HLCS: variants seen among roughly 807,000 people sequenced by gnomAD.
HLCS encodes the protein holocarboxylase synthetase, also known as biotin--protein ligase.
HLCS carries 53 observed loss-of-function variants against 75.0 expected under a neutral mutation model. The ratio of observed to expected loss-of-function variants is 0.71; its 90% CI spans 0.57 to 0.89. The LOEUF (loss-of-function observed/expected upper bound fraction) is 0.89, where lower values mean the gene tolerates loss of function less well. Ranked by LOEUF, HLCS falls within the 40% of genes least tolerant of loss-of-function variation. The pLI, the probability that HLCS is intolerant of heterozygous loss-of-function variation, is 0.00. For missense variants in HLCS, 966 were observed against 1,074.0 expected (o/e 0.90, Z 1.41); for synonymous variants, 431 against 428.6 (o/e 1.01, Z -0.07).
chr21:36,981,895 A>G (rs1200638097), intron 1 of HLCS, among the ~76,000 whole-genome samples: 1 of 152,206 alleles, frequency 6.6e-6, no homozygotes, highest in East Asian at 1.9e-4. Flanking sequence ...GATGTTAATT[A>G]GAATACTCTC....
intron 2 of HLCS, chr21:36,947,326 T>A: frequency 1.0e-6 from 1 of 985,058 alleles, no homozygotes; most frequent in Non-Finnish European, 1.2e-6. Flanking sequence ...GCCAACTGTT[T>A]CCTCACCTAA....
intron 2 of HLCS, among the ~76,000 whole-genome samples, chr21:36,954,176 C>T (rs1248046360): frequency 1.3e-5 from 2 of 151,902 alleles, no homozygotes; most frequent in African/African-American, 2.4e-5. Context: ...CATGGTGGCT[C>T]GCGCCTGTAT....
intron 1 of HLCS, 55 bp downstream of exon 1, chr21:36,966,389 C>G: frequency 1.5e-6 from 1 of 676,626 alleles, no homozygotes; most frequent in Non-Finnish European, 1.8e-6. Context: ...GGCGCAGGGA[C>G]GGGGGCACTT....
rs575631804 is a variant in HLCS, at chr21:36,801,140, T to C, written c.1893-33855A>G. On this transcript the variant is annotated intron_variant, in intron 6 of 10. Transcript: ENST00000674895. ...ATAAATATGCAGCTGAACATATTTA[T>C]GTAGGAAAATTAAAGACCAGACTGG... 1.2e-3 allele frequency among the ~76,000 whole-genome samples: 185 copies of C among 152,306 alleles called. 2 individuals are homozygous for C. The highest frequency in any genetic ancestry group is 4.1e-3 in the African/African-American group (170 of 41,550).
intron 5 of HLCS, among the ~76,000 whole-genome samples, chr21:36,902,193 G>C (rs562360730): frequency 4.6e-5 from 7 of 152,296 alleles, no homozygotes; most frequent in African/African-American, 1.2e-4. Flanking sequence ...CTCTGGCAAA[G>C]GGTCTCCTTT....
chr21:36,855,536 TA>T lies in HLCS; in HGVS notation c.1892+41323del, dbSNP rs71901243. On this transcript the variant is annotated intron_variant, in intron 6 of 10. Transcript: ENST00000674895. Reference sequence around the variant, plus strand: ...CTGGGCAACAGAGCAAGACTCCATCTAAAAAAAAAAAAAAAAAAAAAAAAAA... The same window carrying T: ...CTGGGCAACAGAGCAAGACTCCATCTAAAAAAAAAAAAAAAAAAAAAAAAA... Among the ~76,000 whole-genome samples the T allele has an allele frequency of 5.8e-3, 441 of 75,580 alleles. 3 individuals carry two copies. Among genetic ancestry groups the T allele is most frequent in the East Asian group, 0.03 (65 of 2,172 alleles). The allele number at this position is 75,580 out of a possible 152,430, so 49.6% of individuals were successfully genotyped here. A position where few individuals can be genotyped will look rare whatever the true frequency, so the allele number is the denominator to read the frequency against.
intron 6 of HLCS, among the ~76,000 whole-genome samples, chr21:36,843,727 G>A (rs745969075): frequency 6.6e-6 from 1 of 152,116 alleles, no homozygotes; most frequent in Non-Finnish European, 1.5e-5. Flanking sequence ...ACTAGGCTGA[G>A]TGCAGTGGCT....
chr21:36,826,248 G>T (rs1481443766), intron 6 of HLCS, among the ~76,000 whole-genome samples: 1 of 152,188 alleles, frequency 6.6e-6, no homozygotes, highest in African/African-American at 2.4e-5. Context: ...CCCTTCCTCA[G>T]CAGTGGCCCA....
chr21:36,889,741 A>C (rs2064694585), intron 6 of HLCS, among the ~76,000 whole-genome samples: 1 of 152,218 alleles, frequency 6.6e-6, no homozygotes, highest in Non-Finnish European at 1.5e-5. Flanking sequence ...ACAGACACAG[A>C]CACAGACTGG....
intron 6 of HLCS, among the ~76,000 whole-genome samples, chr21:36,808,249 T>A (rs757333250): frequency 5.9e-5 from 9 of 152,214 alleles, no homozygotes; most frequent in Non-Finnish European, 1.3e-4. Flanking sequence ...CATTTTCCCA[T>A]GCTCATGTTC....
rs1569207405 is a variant in HLCS, at chr21:36,930,481, A to G, written c.1438-48T>C. On this transcript the variant is annotated intron_variant, in intron 4 of 10. Transcript: ENST00000674895. ...TGTAAACTGAGGGCACTCACAGGCA[A>G]TGAGAAAAACAGTTTCTTTTTTCTT... 2.8e-6 allele frequency: 4 copies of G among 1,436,788 alleles called. No individual in the cohort carries two copies. The East Asian group carries it at 6.8e-5, about 24-fold the overall frequency. 89.0% of individuals were successfully genotyped at this position (1,436,788 alleles called of 1,614,324 possible). A position where few individuals can be genotyped will look rare whatever the true frequency, so the allele number is the denominator to read the frequency against.
intron 6 of HLCS, among the ~76,000 whole-genome samples, chr21:36,823,406 A>G (rs1028391742): frequency 6.6e-6 from 1 of 152,202 alleles, no homozygotes; most frequent in Non-Finnish European, 1.5e-5. Context: ...TCAGTTCAAT[A>G]ATACAAATAA....
chr21:36,946,503 A>G (rs534375793), intron 2 of HLCS, among the ~76,000 whole-genome samples: 19 of 152,192 alleles, frequency 1.2e-4, no homozygotes, highest in African/African-American at 2.9e-4. Context: ...CAACCTCCCA[A>G]AGTGCTGGGA....
intron 6 of HLCS, among the ~76,000 whole-genome samples, chr21:36,777,559 T>C (rs1309422697): frequency 1.3e-5 from 2 of 152,276 alleles, no homozygotes; most frequent in African/African-American, 4.8e-5. Flanking sequence ...TGCATTGAGC[T>C]GTCACGGCTT....
chr21:36,766,603 G>A (rs952003194), intron 7 of HLCS, among the ~76,000 whole-genome samples: 1 of 152,216 alleles, frequency 6.6e-6, no homozygotes, highest in African/African-American at 2.4e-5. Flanking sequence ...GGTGAGCCTG[G>A]CACTGGCTGG....
intron 6 of HLCS, among the ~76,000 whole-genome samples, chr21:36,865,392 C>G (rs1439744131): frequency 6.6e-6 from 1 of 151,588 alleles, no homozygotes; most frequent in Admixed American, 6.6e-5. Context: ...AGGAAAGAAG[C>G]AAAGATGGAA....
chr21:36,906,834 T>G (rs758144747), intron 5 of HLCS, among the ~76,000 whole-genome samples: 19 of 152,206 alleles, frequency 1.2e-4, no homozygotes, highest in Non-Finnish European at 2.8e-4. Context: ...GGTGTGGTAT[T>G]GGCACACAGA....
At chr21:36,978,873 G>T (rs2069019346) in intron 1 of HLCS, among the ~76,000 whole-genome samples, 1 of 152,170 alleles carries the variant, frequency 6.6e-6, no homozygotes, top group Non-Finnish European at 1.5e-5. Context: ...CTCCATGAGG[G>T]GCCAGTGAGT....
intron 6 of HLCS, among the ~76,000 whole-genome samples, chr21:36,893,966 T>C (rs2064903130): frequency 6.6e-6 from 1 of 152,212 alleles, no homozygotes; most frequent in Non-Finnish European, 1.5e-5. Flanking sequence ...CTCGTTAACA[T>C]GGTTTGGATT....
Sources: gnomAD v4.1 joint callset for allele counts (sites outside exome capture counted in the v4.1 genomes callset) on GRCh38, gnomAD v4.1.1 for gene constraint, MANE v1.5 for transcripts, NCBI Gene and HGNC (gene_info 2026-07-23, HGNC 2026-07-21) for gene names.